TTN: variants seen among roughly 807,000 people sequenced by gnomAD.
TTN encodes titin, also known as connectin.
Under a neutral mutation model 3,223.0 loss-of-function variants are expected in TTN, and 1,525 were observed. The observed-to-expected ratio is 0.47, with a 90% confidence interval of 0.45 to 0.49. The LOEUF (loss-of-function observed/expected upper bound fraction) is 0.49. Among genes scored for constraint, TTN ranks in the 20% least tolerant of loss-of-function variants. TTN has a pLI of 0.00. For synonymous variants in TTN, 14,094 were observed against 15,161.0 expected (o/e 0.93, Z 5.17); for missense variants, 40,786 against 43,424.0 (o/e 0.94, Z 5.40).
rs397517703 is a variant in TTN at position 178,570,062 on chromosome 2, C to T, written c.76070G>A (p.Arg25357His). ...EGIRWTRCHK[R>H]LIGELRLRVT... ...TCTCAGGCGCAACTCTCCAATCAGA[C>T]GCTTATGGCATCTTGTCCATCTAAT... Residue 25357 changes from arginine (R) to histidine (H), a missense_variant, in exon 326 of 363, where the codon CGT becomes CAT. Transcript: ENST00000589042. The T allele has an allele frequency of 1.8e-5, 29 of 1,613,256 alleles. No individual in the cohort carries two copies. Among genetic ancestry groups the T allele is most frequent in the Admixed American group, 3.3e-5 (2 of 59,952 alleles).
chr2:178,685,467 A>G, intron 128 of TTN, 51 bp downstream of exon 128: 1 of 1,552,348 alleles, frequency 6.4e-7, no homozygotes, highest in Non-Finnish European at 8.8e-7. Flanking sequence ...GGAAACATAA[A>G]GAAGGAGACA....
intron 326 of TTN, chr2:178,558,947 T>C (rs1368023905): frequency 2.5e-6 from 1 of 397,970 alleles, no homozygotes; most frequent in East Asian, 5.7e-5. Flanking sequence ...AAAAACTTTA[T>C]ATACAATTTC....
chr2:178,740,641 T>C lies in TTN; in HGVS notation c.12592A>G (p.Thr4198Ala). The C allele has an allele frequency of 6.2e-7, 1 of 1,613,822 alleles. No homozygotes were observed. The highest frequency in any genetic ancestry group is 8.5e-7 in the Non-Finnish European group (1 of 1,179,812). The change falls in exon 48 of 363, where the codon ACA becomes GCA. Residue 4198 changes from threonine to alanine, a missense_variant. Physicochemically the swap from Thr to Ala is moderately conservative, Grantham distance 58. Coordinates refer to ENST00000589042, the MANE Select transcript of TTN (RefSeq NM_001267550.2). ...AMSIEQINSL[T>A]VEPLKTLLAE... ...AATAAAGTTTTCAGAGGCTCAACTGTTAATGAATTAATTTGTTCTATGGAC... is the reference window on the plus strand; with the variant it reads ...AATAAAGTTTTCAGAGGCTCAACTGCTAATGAATTAATTTGTTCTATGGAC...
chr2:178,664,658 A>T lies in TTN; in HGVS notation c.36198T>A (p.Asp12066Glu), dbSNP rs751425228. The change falls in exon 167 of 363, where the codon GAT becomes GAA. Residue 12066 changes from aspartate (D) to glutamate (E), a missense_variant. Transcript: ENST00000589042. The part of the protein sequence containing the change: ...VPLRKPEVLP[D>E]EVPEALREVV... ...TAAGCTTCCAGCAAGATATACCTTC[A>T]TCAGGAAGGACTTCAGGCTTTCTGA... 6.2e-7 allele frequency: 1 copy of T among 1,612,394 alleles called. No individual in the cohort carries two copies. The highest frequency in any genetic ancestry group is 8.5e-7 in the Non-Finnish European group (1 of 1,179,620).
chr2:178,665,632 T>A, intron 164 of TTN, 76 bp downstream of exon 164: 9 of 1,260,824 alleles, frequency 7.1e-6, no homozygotes, highest in Non-Finnish European at 8.5e-6. Context: ...TTGTTTATTA[T>A]TCTCCAGTTC....
chr2:178,547,307 TA>T lies in TTN; in HGVS notation c.94220-3del. ...GTCTGGTAGGAGCGCTTGGTGGGAC[TA>T]AATATAAACAAAGGTATTAAGTATG... On this transcript the variant is annotated splice_region_variant and splice_polypyrimidine_tract_variant and intron_variant, in intron 339 of 362. Transcript: ENST00000589042. 1.9e-6 allele frequency: 3 copies of T among 1,599,392 alleles called. No homozygotes were observed. The highest frequency in any genetic ancestry group is 2.6e-6 in the Non-Finnish European group (3 of 1,172,960).
At position 178,533,760 on chromosome 2, in the gene TTN, T is replaced by C; in HGVS notation, c.102855A>G (p.Pro34285=). Residue 34285 remains proline (P), a synonymous_variant, in exon 358 of 363, where the codon CCA becomes CCG. Coordinates refer to ENST00000589042, the MANE Select transcript of TTN (RefSeq NM_001267550.2). The part of the protein sequence containing the change: ...VRFGVTITVH[P]EPHVTWYKSG... The stretch of plus-strand genomic sequence containing the variant: ...ATTTATACCATGTTACATGAGGCTC[T>C]GGGTGGACAGTTATAGTTACTCCAA... 6.2e-7 allele frequency: 1 copy of C among 1,614,004 alleles called. No homozygotes were observed. The highest frequency in any genetic ancestry group is 8.5e-7 in the Non-Finnish European group (1 of 1,179,872).
At position 178,605,569 on chromosome 2, in the gene TTN, A is replaced by G. The variant is rs1328997528; in HGVS notation, c.53726T>C (p.Phe17909Ser). The G allele has an allele frequency of 6.2e-7, 1 of 1,612,296 alleles. No individual in the cohort carries two copies. The highest frequency in any genetic ancestry group is 8.5e-7 in the Non-Finnish European group (1 of 1,178,830). Residue 17909 changes from phenylalanine (F) to serine (S), a missense_variant, in exon 279 of 363, where the codon TTT becomes TCT. Physicochemically the swap from Phe to Ser is radical, Grantham distance 155. Transcript: ENST00000589042. ...GCAGAGTCGCTTGTTAACTCTTTCA[A>G]AGTCAGGTTTGTCATGACGCCGTTT... ...IEKRRHDKPDFERVNKRLCPT... is the reference protein window; with the variant it reads ...IEKRRHDKPDSERVNKRLCPT...
intron 62 of TTN, 72 bp downstream of exon 62, chr2:178,730,021 T>TCGCCCCCCC: frequency 2.6e-6 from 4 of 1,558,126 alleles, no homozygotes; most frequent in Non-Finnish European, 3.5e-6. Context: ...GTCTTAAGCG[T>TCGCCCCCCC]CCCCCGCCCC....
Position 178,774,165 on chromosome 2 carries a change from T to C in TTN, c.7057+42A>G, listed in dbSNP as rs749547063. On this transcript the variant is annotated intron_variant, in intron 30 of 362. Coordinates refer to ENST00000589042, the MANE Select transcript of TTN (RefSeq NM_001267550.2). ...ATGATCATTTTTTATCAATAAACCA[T>C]AATGATGCTCACTGCAGGCTGACAG... The C allele has an allele frequency of 4.3e-6, 7 of 1,614,142 alleles. No individual in the cohort carries two copies. The Admixed American group carries it at 1.2e-4, about 27-fold the overall frequency.
In TTN at chr2:178,546,313, G is replaced by A. The variant is rs200920551; in HGVS notation, c.95018C>T (p.Ala31673Val). 1.9e-6 allele frequency: 3 copies of A among 1,613,834 alleles called. No individual in the cohort carries two copies. Among genetic ancestry groups the A allele is most frequent in the Non-Finnish European group, 1.7e-6 (2 of 1,179,780 alleles). ...SLQYTGKRAT[A>V]VIKFCDRSDS... ...ACTTCTGTCACAGAACTTGATCACA[G>A]CAGTTGCTCGTTTGCCAGTATACTG... The change falls in exon 342 of 363, where the codon GCT becomes GTT. Residue 31673 changes from alanine to valine, a missense_variant. Transcript: ENST00000589042.
intron 349 of TTN, 181 bp downstream of exon 349, chr2:178,542,083 A>G: frequency 1.8e-6 from 1 of 556,844 alleles, no homozygotes; most frequent in Non-Finnish European, 3.0e-6. Flanking sequence ...GTGTGTTGAA[A>G]ACCTCTGAGA....
At chr2:178,694,308 A>G (rs2073162167) in intron 117 of TTN, among the ~76,000 whole-genome samples, 3 of 152,182 alleles carry the variant, frequency 2.0e-5, no homozygotes, top group Admixed American at 1.3e-4. Flanking sequence ...AGGACAGGGA[A>G]TATTATATGC....
At chr2:178,764,934 G>A (rs1291657651) in intron 41 of TTN, 123 bp from the exon 42 acceptor site, 1 of 1,099,976 alleles carries the variant, frequency 9.1e-7, no homozygotes. Flanking sequence ...TGGAATTGTG[G>A]TATTTTTACT....
Position 178,594,537 on chromosome 2 carries a change from A to G in TTN, c.57957T>C (p.Tyr19319=). ...KYDGGSEIIN[Y]VLESRLIGTE... Reference sequence around the variant, plus strand: ...TCCCAATGAGCCGACTTTCTAGGACATAGTTAATAATTTCTGACCCACCAT... The same window carrying G: ...TCCCAATGAGCCGACTTTCTAGGACGTAGTTAATAATTTCTGACCCACCAT... Residue 19319 remains tyrosine, a synonymous_variant, in exon 296 of 363, where the codon TAT becomes TAC. Transcript: ENST00000589042. 6.2e-7 allele frequency: 1 copy of G among 1,613,366 alleles called. No individual in the cohort carries two copies. The highest frequency in any genetic ancestry group is 1.7e-5 in the Admixed American group (1 of 59,972).
Position 178,776,926 on chromosome 2 carries a change from A to G in TTN, c.4938T>C (p.Asn1646=). 4 of 1,613,378 alleles carry G rather than the reference A, an allele frequency of 2.5e-6. No homozygotes were observed. The highest frequency in any genetic ancestry group is 2.5e-6 in the Non-Finnish European group (3 of 1,179,706). ...AGRDTTRCKV[N]VEVEFAEPEP... is the part of the protein sequence containing the mutation. ...CAGGCTCTGCAAACTCAACTTCAAC[A>G]TTTACTTTGCATCTTGTAGTGTCTC... Residue 1646 remains asparagine (N), a synonymous_variant, in exon 28 of 363, where the codon AAT becomes AAC. Coordinates refer to ENST00000589042, the MANE Select transcript of TTN (RefSeq NM_001267550.2).
rs762929729 is a variant in TTN, at chr2:178,574,289, G to T, written c.71843C>A (p.Pro23948His). ...RHTVTLKWAK[P>H]EYTGGFKITS... ...AATTTTAAAGCCCCCAGTATATTCAGGCTTAGCCCATTTAAGTGTTACTGT... is the reference window on the plus strand; with the variant it reads ...AATTTTAAAGCCCCCAGTATATTCATGCTTAGCCCATTTAAGTGTTACTGT... The change falls in exon 326 of 363, where the codon CCT becomes CAT. Residue 23948 changes from proline (P) to histidine (H), a missense_variant. By Grantham distance (77) the Pro-to-His change is moderately conservative. Coordinates refer to ENST00000589042, the MANE Select transcript of TTN (RefSeq NM_001267550.2). The T allele has an allele frequency of 6.2e-7, 1 of 1,613,406 alleles. No homozygotes were observed. The highest frequency in any genetic ancestry group is 8.5e-7 in the Non-Finnish European group (1 of 1,179,614).
chr2:178,806,085 T>C (rs993693874), intron 1 of TTN, among the ~76,000 whole-genome samples: 45 of 152,210 alleles, frequency 3.0e-4, no homozygotes, highest in Non-Finnish European at 2.9e-4. Context: ...TTCTTAGTGA[T>C]AATTCTGTTC....
In TTN at chr2:178,684,092, G is replaced by C. The variant is rs529665721; in HGVS notation, c.32723-10C>G. On this transcript the variant is annotated splice_polypyrimidine_tract_variant and intron_variant, in intron 132 of 362. Transcript: ENST00000589042. ...TTCGGTTCCTCTGGCACTTTAAAGA[G>C]AGATTTCACTTTAAAGTATTGTTTC... 8 of 1,611,506 alleles carry C rather than the reference G, an allele frequency of 5.0e-6. No homozygotes were observed. In the African/African-American group the frequency reaches 9.4e-5, roughly 19 times the overall value.
Sources: allele counts gnomAD v4.1 joint callset (sites outside exome capture counted in the v4.1 genomes callset), GRCh38; gene constraint gnomAD v4.1.1; transcripts MANE v1.5; gene names NCBI Gene and HGNC (gene_info 2026-07-23, HGNC 2026-07-21).